The following FAM83G variants were observed in gnomAD, a reference collection of about 807,000 sequenced individuals.
FAM83G encodes scaffolding CK1 anchoring protein G, also known as protein FAM83G.
Under a neutral mutation model 61.5 loss-of-function variants are expected in FAM83G, and 38 were observed. The ratio of observed to expected loss-of-function variants is 0.62; its 90% CI spans 0.48 to 0.81. FAM83G has a LOEUF of 0.81. Ranked by LOEUF, FAM83G falls within the 30% of genes least tolerant of loss-of-function variation. The pLI is 0.00. For missense variants in FAM83G, 989 were observed against 1,133.6 expected (o/e 0.87, Z 1.83); for synonymous variants, 470 against 476.1 (o/e 0.99, Z 0.17).
intron 3 of FAM83G, among the ~76,000 whole-genome samples, chr17:18,980,446 C>T (rs1348646511): frequency 6.6e-6 from 1 of 152,172 alleles, no homozygotes; most frequent in Non-Finnish European, 1.5e-5. Flanking sequence ...GCATGAGGAG[C>T]ACAGCGGGCC....
upstream of FAM83G, among the ~76,000 whole-genome samples, chr17:19,005,343 C>T (rs1340639560): frequency 6.6e-6 from 1 of 152,192 alleles, no homozygotes; most frequent in South Asian, 2.1e-4. Flanking sequence ...GCCAAGAGGG[C>T]CGCTGTGGGC....
chr17:19,005,886 G>A (rs948437413), upstream of FAM83G, among the ~76,000 whole-genome samples: 14 of 152,236 alleles, frequency 9.2e-5, no homozygotes, highest in Non-Finnish European at 1.8e-4. Flanking sequence ...CCTGCCCCAG[G>A]GCCAGAGAGG....
At position 19,000,666 on chromosome 17, in the gene FAM83G, G is replaced by A. The variant is rs979072631; in HGVS notation, c.522+2854C>T. 2.0e-4 allele frequency among the ~76,000 whole-genome samples: 31 copies of A among 152,304 alleles called. 2 individuals are homozygous for A. Among genetic ancestry groups the A allele is most frequent in the Admixed American group, 7.8e-4 (12 of 15,304 alleles). On this transcript the variant is annotated intron_variant, in intron 2 of 5. Coordinates refer to ENST00000388995, the MANE Select transcript of FAM83G (RefSeq NM_001039999.3). The surrounding 1 kb of genome is among the most constrained non-coding windows in gnomAD (Gnocchi z 5.2). ...CCAGCAGCCCCAGCCTAAAGCCCCC[G>A]GTGGGAAGGGGCCAGTGTGCGGCAA...
chr17:18,978,948 C>T, intron 4 of FAM83G, 98 bp from the exon 5 acceptor site: 7 of 1,377,702 alleles, frequency 5.1e-6, no homozygotes, highest in Non-Finnish European at 5.0e-6. Context: ...ACTGTGGCCA[C>T]AGGGCCCTGG....
rs752749404 is a variant in FAM83G, at chr17:18,978,316, A to T, written c.1350T>A (p.Arg450=). The T allele has an allele frequency of 1.2e-6, 2 of 1,609,096 alleles. No homozygotes were observed. The highest frequency in any genetic ancestry group is 4.5e-5 in the East Asian group (2 of 44,756). ...GCTGGGCGCTGGCCTGGGAGGTGTC[A>T]CGGATCTTGATGCGGTTCATCTGGC... ...QPSQMNRIKI[R]DTSQASAQHQ... Residue 450 remains arginine, a synonymous_variant, in exon 5 of 6, where the codon CGT becomes CGA. Coordinates refer to ENST00000388995, the MANE Select transcript of FAM83G (RefSeq NM_001039999.3).
At chr17:18,994,288 G>A (rs970346796) in intron 2 of FAM83G, among the ~76,000 whole-genome samples, 2 of 152,208 alleles carry the variant, frequency 1.3e-5, no homozygotes, top group African/African-American at 4.8e-5. Context: ...GAACAAACCA[G>A]CTGAGCCCTA....
intron 3 of FAM83G, among the ~76,000 whole-genome samples, chr17:18,984,041 C>A (rs986149183): frequency 1.3e-5 from 2 of 152,178 alleles, no homozygotes; most frequent in Non-Finnish European, 2.9e-5. Context: ...GAATCCCCCC[C>A]GTTTGAGAAC....
chr17:18,989,020 G>C (rs904402122), intron 2 of FAM83G, among the ~76,000 whole-genome samples: 1 of 152,220 alleles, frequency 6.6e-6, no homozygotes, highest in Non-Finnish European at 1.5e-5. Context: ...GGCCCCAGTG[G>C]GGCTCAGTGA....
chr17:18,976,475 C>A (rs924160220), intron 5 of FAM83G: 2 of 184,086 alleles, frequency 1.1e-5, no homozygotes, highest in Non-Finnish European at 2.2e-5. Context: ...TATAAATGTG[C>A]CAGCTGCTGT....
At chr17:18,988,827 T>C (rs1347470040) in intron 2 of FAM83G, among the ~76,000 whole-genome samples, 1 of 152,216 alleles carries the variant, frequency 6.6e-6, no homozygotes, top group African/African-American at 2.4e-5. Context: ...GATCTCTTCC[T>C]GTCAGCTGAC....
At chr17:18,987,747 TC>T (rs2043307440) in intron 3 of FAM83G, among the ~76,000 whole-genome samples, 1 of 152,206 alleles carries the variant, frequency 6.6e-6, no homozygotes, top group Admixed American at 6.5e-5. Flanking sequence ...GCAGAAGCCT[TC>T]CCTGGCCCCA....
chr17:18,997,540 C>G (rs1179936017), intron 2 of FAM83G, among the ~76,000 whole-genome samples: 2 of 152,202 alleles, frequency 1.3e-5, no homozygotes. Context: ...CCTTTAAAAC[C>G]TCAGCTTCTC....
chr17:18,969,111 C>T lies in FAM83G; in HGVS notation c.*2248G>A. ...TCTGCCTGGGCTGGAACTTCTACCT[C>T]TCCACCATCCTCACGCTCGGCATCA... On this transcript the variant is annotated 3_prime_UTR_variant, in exon 6 of 6. Coordinates refer to ENST00000388995, the MANE Select transcript of FAM83G (RefSeq NM_001039999.3). The T allele has an allele frequency of 3.1e-6, 5 of 1,614,166 alleles. No individual in the cohort carries two copies. Among genetic ancestry groups the T allele is most frequent in the Non-Finnish European group, 4.2e-6 (5 of 1,180,002 alleles).
intron 5 of FAM83G, among the ~76,000 whole-genome samples, chr17:18,972,150 C>T (rs1000646916): frequency 1.3e-5 from 2 of 152,232 alleles, no homozygotes; most frequent in African/African-American, 4.8e-5. Flanking sequence ...CTCAGATGAG[C>T]TGCTTCCTGT....
intron 3 of FAM83G, among the ~76,000 whole-genome samples, chr17:18,987,388 C>T (rs1242078209): frequency 6.6e-6 from 1 of 152,202 alleles, no homozygotes; most frequent in Non-Finnish European, 1.5e-5. Flanking sequence ...GGGCCTGGCG[C>T]ACGGCCAATG....
At chr17:18,992,520 G>A (rs1009600253) in intron 2 of FAM83G, among the ~76,000 whole-genome samples, 2 of 152,356 alleles carry the variant, frequency 1.3e-5, no homozygotes, top group African/African-American at 4.8e-5. Flanking sequence ...GGCTGCTGGC[G>A]TTGGGGGTGG....
At chr17:18,997,813 A>C (rs1355752517) in intron 2 of FAM83G, among the ~76,000 whole-genome samples, 1 of 152,188 alleles carries the variant, frequency 6.6e-6, no homozygotes, top group East Asian at 1.9e-4. Context: ...AAGGTGGAGG[A>C]GGCGAGGGGA....
At position 18,997,890 on chromosome 17, in the gene FAM83G, C is replaced by T. The variant is rs1426144500; in HGVS notation, c.522+5630G>A. 7.2e-5 allele frequency among the ~76,000 whole-genome samples: 11 copies of T among 152,324 alleles called. No homozygotes were observed. In the East Asian group the frequency reaches 2.1e-3, roughly 29 times the overall value. On this transcript the variant is annotated intron_variant, in intron 2 of 5. Transcript: ENST00000388995. ...GAGTGTTTTACACACCACACTTTTT[C>T]CCATTTAAATCTCACTGACTTTATG...
Position 18,988,320 on chromosome 17 carries a change from A to AT in FAM83G, c.616dup (p.Ile206AsnfsTer4). The AT allele has an allele frequency of 6.2e-7, 1 of 1,614,228 alleles. No homozygotes were observed. The highest frequency in any genetic ancestry group is 8.5e-7 in the Non-Finnish European group (1 of 1,180,042). ...GTACTTGACGTTACTCTCATCCACG[A>AT]TGATGTACACGGCCACTTTCCTCTT... is the stretch of plus-strand genomic sequence containing the variant. On this transcript the variant is annotated frameshift_variant, in exon 3 of 6. Coordinates refer to ENST00000388995, the MANE Select transcript of FAM83G (RefSeq NM_001039999.3). LOFTEE classifies it high-confidence loss of function.
Sources: allele counts gnomAD v4.1 joint callset (sites outside exome capture counted in the v4.1 genomes callset), GRCh38; gene constraint gnomAD v4.1.1; non-coding constraint Gnocchi (gnomAD v3.1); transcripts MANE v1.5; gene names NCBI Gene and HGNC (gene_info 2026-07-23, HGNC 2026-07-21).